Variants in AMPH observed in about 807,000 individuals in gnomAD.
AMPH encodes amphiphysin.
A neutral mutation model predicts 99.1 loss-of-function variants in AMPH; 49 were observed. The observed-to-expected ratio is 0.49, with a 90% CI of 0.39 to 0.63. The LOEUF is 0.63. AMPH is among the 20% of genes least tolerant of loss of function. The probability of loss-of-function intolerance (pLI) is 0.00; values close to 1 mark genes in which losing one functional copy is unlikely to be tolerated. For missense variants in AMPH, 759 were observed against 863.4 expected (o/e 0.88, Z 1.52); for synonymous variants, 314 against 317.3 (o/e 0.99, Z 0.11).
At chr7:38,523,182 G>A (rs535768213) in intron 2 of AMPH, among the ~76,000 whole-genome samples, 3 of 151,936 alleles carry the variant, frequency 2.0e-5, no homozygotes, top group East Asian at 1.9e-4. Context: ...GAAGGGTCAC[G>A]GTTTCAGATA....
rs1038898123 is a variant in AMPH at position 38,491,229 on chromosome 7, A to T, written c.301-84T>A. The T allele has an allele frequency of 3.3e-6, 3 of 909,832 alleles. No homozygotes were observed. The African/African-American group carries it at 5.0e-5, about 15-fold the overall frequency. 56.4% of individuals were successfully genotyped at this position (909,832 alleles called of 1,614,324 possible). On this transcript the variant is annotated intron_variant, in intron 4 of 20. Coordinates refer to ENST00000356264, the MANE Select transcript of AMPH (RefSeq NM_001635.4). The stretch of plus-strand genomic sequence containing the variant: ...TTCTAAAAAAATCTGAAACTATAAA[A>T]TTAGACAAGTAATACTTTCCCAGAT...
intron 5 of AMPH, among the ~76,000 whole-genome samples, chr7:38,482,078 T>C (rs79936552): frequency 0.013 from 2,025 of 152,220 alleles, 48 homozygotes; most frequent in African/African-American, 0.045. Context: ...CAATTCCAAA[T>C]TATCTCCTTT....
At chr7:38,593,592 T>C (rs1792937558) in intron 1 of AMPH, among the ~76,000 whole-genome samples, 1 of 152,238 alleles carries the variant, frequency 6.6e-6, no homozygotes, top group Admixed American at 6.5e-5. Flanking sequence ...GCTGCATTAC[T>C]TGATAGCTTT....
At chr7:38,467,437 G>T (rs1209062334) in intron 7 of AMPH, among the ~76,000 whole-genome samples, 1 of 152,186 alleles carries the variant, frequency 6.6e-6, no homozygotes, top group East Asian at 1.9e-4. Flanking sequence ...GGCAACTCAT[G>T]ACCCCTTCTC....
At chr7:38,434,327 AT>A (rs1357887627) in intron 12 of AMPH, among the ~76,000 whole-genome samples, 1 of 152,224 alleles carries the variant, frequency 6.6e-6, no homozygotes, top group Non-Finnish European at 1.5e-5. Flanking sequence ...TAATGTAATC[AT>A]GAATTAACAT....
intron 1 of AMPH, among the ~76,000 whole-genome samples, chr7:38,591,475 T>C (rs61414528): frequency 0.28 from 42,760 of 151,930 alleles, 6,413 homozygotes; most frequent in Non-Finnish European, 0.34. Context: ...TTAGTAAAGA[T>C]GAGGTTTTAC....
At position 38,461,291 on chromosome 7, in the gene AMPH, G is replaced by A. The variant is rs1173478637; in HGVS notation, c.1009C>T (p.Pro337Ser). The change falls in exon 11 of 21, where the codon CCT becomes TCT. Residue 337 changes from proline (P) to serine (S), a missense_variant. Pro to Ser is a moderately conservative substitution (Grantham distance 74). Transcript: ENST00000356264. ...NFVPEISVTT[P>S]SQNEVPEVKK... Reference sequence around the variant, plus strand: ...CTGAACCAGGCACTTACCTGGGAAGGTGTTGTCACACTGATTTCTGGAACA... The same window carrying A: ...CTGAACCAGGCACTTACCTGGGAAGATGTTGTCACACTGATTTCTGGAACA... 1.9e-6 allele frequency: 3 copies of A among 1,613,898 alleles called. No homozygotes were observed. Among genetic ancestry groups the A allele is most frequent in the African/African-American group, 1.3e-5 (1 of 75,000 alleles).
Position 38,601,100 on chromosome 7 carries a change from C to T in AMPH, c.69+30183G>A, listed in dbSNP as rs149726264. ...CTCTCCTGCTCCAAAACAGCCTTTCCCATTGTCAGTGAGCAGTGCCACCTT... is the reference window on the plus strand; with the variant it reads ...CTCTCCTGCTCCAAAACAGCCTTTCTCATTGTCAGTGAGCAGTGCCACCTT... On this transcript the variant is annotated intron_variant, in intron 1 of 20. Coordinates refer to ENST00000356264, the MANE Select transcript of AMPH (RefSeq NM_001635.4). Among the ~76,000 whole-genome samples, 316 of 152,286 alleles carry T rather than the reference C, an allele frequency of 2.1e-3. 2 individuals carry two copies. The highest frequency in any genetic ancestry group is 6.6e-3 in the African/African-American group (273 of 41,550).
At chr7:38,386,540 C>T (rs1784353111) in intron 20 of AMPH, among the ~76,000 whole-genome samples, 2 of 152,104 alleles carry the variant, frequency 1.3e-5, no homozygotes, top group Non-Finnish European at 1.5e-5. Flanking sequence ...ATATTAACTG[C>T]TTAAAATATG....
intron 9 of AMPH, 46 bp downstream of exon 9, chr7:38,465,421 T>C (rs1479070392): frequency 2.0e-6 from 3 of 1,516,408 alleles, no homozygotes; most frequent in East Asian, 2.4e-5. Context: ...TTGAAGAAAT[T>C]TTAGCAAGCA....
chr7:38,603,498 G>C (rs1362620583), intron 1 of AMPH, among the ~76,000 whole-genome samples: 1 of 152,056 alleles, frequency 6.6e-6, no homozygotes, highest in Non-Finnish European at 1.5e-5. Flanking sequence ...GACTCCATGG[G>C]TGCCAGATCC....
intron 1 of AMPH, among the ~76,000 whole-genome samples, chr7:38,620,548 T>TAC (rs201765719): frequency 0.082 from 10,920 of 132,970 alleles, 386 homozygotes; most frequent in East Asian, 0.12. Context: ...TATACATACA[T>TAC]ACACACACAC....
chr7:38,454,640 T>C (rs1787160677), intron 11 of AMPH, among the ~76,000 whole-genome samples: 1 of 152,202 alleles, frequency 6.6e-6, no homozygotes, highest in Non-Finnish European at 1.5e-5. Flanking sequence ...ACACTGACTT[T>C]CATTTGCCAA....
At chr7:38,500,830 T>A (rs1789109365) in intron 3 of AMPH, among the ~76,000 whole-genome samples, 1 of 152,184 alleles carries the variant, frequency 6.6e-6, no homozygotes, top group African/African-American at 2.4e-5. Flanking sequence ...ACTGTGGAAG[T>A]TAAATTCTCT....
intron 1 of AMPH, among the ~76,000 whole-genome samples, chr7:38,612,007 G>A (rs1157062527): frequency 5.9e-5 from 9 of 151,388 alleles, no homozygotes; most frequent in Non-Finnish European, 1.0e-4. Flanking sequence ...CTAAGGACAC[G>A]CCTCTGATTG....
At chr7:38,449,816 A>G (rs898712805) in intron 11 of AMPH, among the ~76,000 whole-genome samples, 2 of 152,222 alleles carry the variant, frequency 1.3e-5, no homozygotes, top group African/African-American at 4.8e-5. Context: ...GAAATATGTT[A>G]TGTTGAAAAG....
intron 2 of AMPH, among the ~76,000 whole-genome samples, chr7:38,529,728 C>A (rs917218426): frequency 2.0e-5 from 3 of 152,148 alleles, no homozygotes; most frequent in Non-Finnish European, 4.4e-5. Context: ...GGCTATCTCA[C>A]AAGAAGGTCA....
chr7:38,482,947 T>G (rs1788346645), intron 5 of AMPH, among the ~76,000 whole-genome samples: 1 of 152,130 alleles, frequency 6.6e-6, no homozygotes, highest in African/African-American at 2.4e-5. Flanking sequence ...AATTTTTGTT[T>G]GTAAGACACC....
chr7:38,515,501 T>TC (rs898189175), intron 2 of AMPH, among the ~76,000 whole-genome samples: 3 of 152,182 alleles, frequency 2.0e-5, no homozygotes, highest in African/African-American at 7.2e-5. Flanking sequence ...TCCAGAGGCC[T>TC]CCCCATCCAT....
Sources: gnomAD v4.1 joint callset for allele counts (sites outside exome capture counted in the v4.1 genomes callset) on GRCh38, gnomAD v4.1.1 for gene constraint, MANE v1.5 for transcripts, NCBI Gene and HGNC (gene_info 2026-07-23, HGNC 2026-07-21) for gene names.